The following RTEL1 variants were observed in gnomAD, a reference collection of about 807,000 sequenced individuals.
RTEL1 encodes regulator of telomere elongation helicase 1.
RTEL1 carries 86 observed loss-of-function variants against 162.2 expected under a neutral mutation model. The ratio of observed to expected loss-of-function variants is 0.53; its 90% CI spans 0.45 to 0.63. The LOEUF (loss-of-function observed/expected upper bound fraction) is 0.63. Ranked by LOEUF, RTEL1 falls within the 30% of genes least tolerant of loss-of-function variation. The pLI is 0.00. For synonymous variants in RTEL1, 958 were observed against 717.9 expected, an observed-to-expected ratio of 1.33 and a Z score of -5.35; for missense variants, 1,941 against 1,750.2, an observed-to-expected ratio of 1.11 and a Z score of -1.95.
In RTEL1 at chr20:63,661,468, C is replaced by CGCTGCT. The variant is rs769909059; in HGVS notation, c.284_289dup (p.Ala95_Ala96dup). 6 of 1,611,920 alleles carry CGCTGCT rather than the reference C, an allele frequency of 3.7e-6. 1 individual carries two copies. Among genetic ancestry groups the CGCTGCT allele is most frequent in the Non-Finnish European group, 4.2e-6 (5 of 1,179,504 alleles). On this transcript the variant is annotated inframe_insertion, in exon 3 of 35. Coordinates refer to ENST00000360203, the MANE Select transcript of RTEL1 (RefSeq NM_001283009.2). This position sits in a 1 kb window ranked among gnomAD's most constrained non-coding sequence, Gnocchi z 5.1. Reference sequence around the variant, plus strand: ...ATCGGGCCTTGTCATCCTGGGGCAACGCTGCTGCTGCTGCTGGAGACCCCA... The same window carrying CGCTGCT: ...ATCGGGCCTTGTCATCCTGGGGCAACGCTGCTGCTGCTGCTGCTGCTGGAGACCCCA...
intron 6 of RTEL1, among the ~76,000 whole-genome samples, chr20:63,663,902 G>T (rs1757322655): frequency 6.6e-6 from 1 of 152,208 alleles, no homozygotes; most frequent in Non-Finnish European, 1.5e-5. Flanking sequence ...GGTCCCGCAT[G>T]ACCCACTACC....
rs1362593763 is a variant in RTEL1, at chr20:63,694,868, C to T, written c.3237C>T (p.Leu1079=). The change falls in exon 32 of 35, where the codon CTC becomes CTT. Residue 1079 remains leucine, a synonymous_variant. Coordinates refer to ENST00000360203, the MANE Select transcript of RTEL1 (RefSeq NM_001283009.2). ...TGGGGTCCGCGGGCTGTAGCCAACT[C>T]TTGGCAGCGCTGACAGCCTATAAGC... ...RALGSAGCSQ[L]LAALTAYKQD... 3.1e-6 allele frequency: 5 copies of T among 1,612,534 alleles called. No individual in the cohort carries two copies. The African/African-American group carries it at 4.0e-5, about 13-fold the overall frequency.
chr20:63,687,433 G>C (rs1216496254), intron 16 of RTEL1: 3 of 579,700 alleles, frequency 5.2e-6, no homozygotes, highest in Non-Finnish European at 9.0e-6. Context: ...AGGACCCCCT[G>C]TCCCCCAGAG....
chr20:63,664,678 G>A (rs1013312130), intron 6 of RTEL1, among the ~76,000 whole-genome samples: 1 of 152,222 alleles, frequency 6.6e-6, no homozygotes. Flanking sequence ...GTCTGCCACC[G>A]GACAGGCTGT....
At chr20:63,691,056 TGCCTGGCAGGCAG>T in intron 27 of RTEL1, 109 bp downstream of exon 27, 1 of 1,192,148 alleles carries the variant, frequency 8.4e-7, no homozygotes. Flanking sequence ...GTAAATCCCC[TGCCTGGCAGGCAG>T]GCGGGCAAGC....
chr20:63,678,224 C>A (rs764160623), intron 11 of RTEL1, 41 bp downstream of exon 11: 3 of 1,612,988 alleles, frequency 1.9e-6, no homozygotes, highest in Non-Finnish European at 2.5e-6. Context: ...CTGGGTGGGG[C>A]CTCCTCCTTG....
rs201572070 is a variant in RTEL1, at chr20:63,661,955, G to A, written c.395+12G>A. On this transcript the variant is annotated intron_variant, in intron 4 of 34. Transcript: ENST00000360203. This position sits in a 1 kb window ranked among gnomAD's most constrained non-coding sequence, Gnocchi z 5.1. ...AACACCTCCTACCGGTGGGTCAGAC[G>A]AGTTTACACCTGTCTCGGGGTCCTC... is the stretch of plus-strand genomic sequence containing the variant. The A allele has an allele frequency of 2.3e-3, 3,654 of 1,604,978 alleles. 18 individuals are homozygous for A. Among genetic ancestry groups the A allele is most frequent in the South Asian group, 6.0e-3 (544 of 90,924 alleles).
chr20:63,683,360 C>T (rs2090516739), intron 14 of RTEL1, among the ~76,000 whole-genome samples: 1 of 152,244 alleles, frequency 6.6e-6, no homozygotes, highest in Admixed American at 6.5e-5. Context: ...TCTGTTACTT[C>T]CATCCCCGTG....
chr20:63,690,793 G>A lies in RTEL1; in HGVS notation c.2414-12G>A, dbSNP rs2090720830. 6.3e-7 allele frequency: 1 copy of A among 1,597,620 alleles called. No individual in the cohort carries two copies. The highest frequency in any genetic ancestry group is 1.1e-5 in the South Asian group (1 of 88,926). On this transcript the variant is annotated splice_polypyrimidine_tract_variant and intron_variant, in intron 26 of 34. Transcript: ENST00000360203. ...CCCGTGGGCTTCACTGCGCACTCGG[G>A]TGCCCCTGCAGGGTCACCAGCTGCC...
rs986409321 is a variant in RTEL1 at position 63,678,061 on chromosome 20, C to T, written c.920-84C>T. On this transcript the variant is annotated intron_variant, in intron 10 of 34. Transcript: ENST00000360203. ...CTTTCCATGTTGGTGTCCTTTTTTC[C>T]ATGCCAGGAATCCTGGTTCTCAAGG... 9.2e-6 allele frequency: 14 copies of T among 1,518,024 alleles called. No homozygotes were observed. The African/African-American group carries it at 1.9e-4, about 21-fold the overall frequency. The allele number at this position is 1,518,024 out of a possible 1,614,324, so 94.0% of individuals were successfully genotyped here. A position where few individuals can be genotyped will look rare whatever the true frequency, so the allele number is the denominator to read the frequency against.
At chr20:63,691,666 T>G in intron 27 of RTEL1, 76 bp from the exon 28 acceptor site, 1 of 1,318,836 alleles carries the variant, frequency 7.6e-7, no homozygotes, top group Non-Finnish European at 1.1e-6. Context: ...CCATCTTCCC[T>G]GTGCGTCCAG....
At chr20:63,684,525 T>C (rs2090548439) in intron 14 of RTEL1, among the ~76,000 whole-genome samples, 1 of 152,166 alleles carries the variant, frequency 6.6e-6, no homozygotes, top group African/African-American at 2.4e-5. Context: ...GGCTAATTTT[T>C]TGTATTTTTA....
At chr20:63,675,404 C>T (rs56053617) in intron 10 of RTEL1, among the ~76,000 whole-genome samples, 67,530 of 152,024 alleles carry the variant, frequency 0.44, 15,526 homozygotes, top group Non-Finnish European at 0.49. Flanking sequence ...CCCGTCCTCA[C>T]CCTTCTCACC....
At chr20:63,671,891 G>C (rs1313487885) in intron 8 of RTEL1, among the ~76,000 whole-genome samples, 2 of 151,844 alleles carry the variant, frequency 1.3e-5, no homozygotes, top group Admixed American at 6.6e-5. Flanking sequence ...GTTTTGTTTT[G>C]TTTTGTTTTT....
chr20:63,687,842 G>A, intron 17 of RTEL1, 72 bp downstream of exon 17: 2 of 1,558,284 alleles, frequency 1.3e-6, no homozygotes, highest in South Asian at 2.3e-5. Context: ...AGTGGTGGGG[G>A]TCCCCATGAG....
In RTEL1 at chr20:63,676,921, G is replaced by A. The variant is rs566088392; in HGVS notation, c.920-1224G>A. Among the ~76,000 whole-genome samples the A allele has an allele frequency of 1.3e-3, 197 of 151,806 alleles. 1 individual carries two copies. The highest frequency in any genetic ancestry group is 4.5e-3 in the African/African-American group (185 of 41,312). ...TTGCACTCCAGCCTGGCGACAGAGC[G>A]AGACTCCGTCTCAAAAATCAATCAG... On this transcript the variant is annotated intron_variant, in intron 10 of 34. Coordinates refer to ENST00000360203, the MANE Select transcript of RTEL1 (RefSeq NM_001283009.2).
rs1319902796 is a variant in RTEL1, at chr20:63,658,348, T to TG, written c.-288dup. The TG allele has an allele frequency of 6.6e-6, 1 of 152,418 alleles. No homozygotes were observed. The highest frequency in any genetic ancestry group is 1.5e-5 in the Non-Finnish European group (1 of 68,070). The allele number at this position is 152,418 out of a possible 1,614,324, so 9.4% of individuals were successfully genotyped here. A position where few individuals can be genotyped will look rare whatever the true frequency, so the allele number is the denominator to read the frequency against. ...GGGCTCAGCGCCGACTGCGCGCCTC[T>TG]GCCCGCGAAAACTCTGAGCTGGCTG... On this transcript the variant is annotated 5_prime_UTR_variant, in exon 1 of 35. Coordinates refer to ENST00000360203, the MANE Select transcript of RTEL1 (RefSeq NM_001283009.2).
rs754113043 is a variant in RTEL1, at chr20:63,667,547, T to A, written c.693T>A (p.Asp231Glu). Residue 231 changes from aspartate (D) to glutamate (E), a missense_variant, in exon 8 of 35, where the codon GAT (aspartate) becomes GAA (glutamate). Asp to Glu is a conservative substitution (Grantham distance 45). Coordinates refer to ENST00000360203, the MANE Select transcript of RTEL1 (RefSeq NM_001283009.2). ...IIFMPYNYLL[D>E]AKSRRAHNID... ...TCATGCCGTACAATTACTTGTTGGATGCCAAGGTGGGGGCTCAGTCCTGTA... is the reference window on the plus strand; with the variant it reads ...TCATGCCGTACAATTACTTGTTGGAAGCCAAGGTGGGGGCTCAGTCCTGTA... The A allele has an allele frequency of 2.4e-5, 39 of 1,613,548 alleles. No individual in the cohort carries two copies. In the South Asian group the frequency reaches 4.3e-4, roughly 18 times the overall value.
At position 63,672,573 on chromosome 20, in the gene RTEL1, C is replaced by G; in HGVS notation, c.717C>G (p.Asn239Lys). 1.3e-6 allele frequency: 2 copies of G among 1,584,994 alleles called. No homozygotes were observed. Among genetic ancestry groups the G allele is most frequent in the Non-Finnish European group, 1.7e-6 (2 of 1,163,512 alleles). Residue 239 changes from asparagine (N) to lysine (K), a missense_variant, in exon 9 of 35, where the codon AAC becomes AAG. Transcript: ENST00000360203. ...TCCTGTAGAGCCGCAGAGCACACAA[C>G]ATTGACCTGAAGGGGACAGTCGTGA... is the stretch of plus-strand genomic sequence containing the variant. ...LLDAKSRRAH[N>K]IDLKGTVVIF...
Sources: gnomAD v4.1 joint callset for allele counts (sites outside exome capture counted in the v4.1 genomes callset) on GRCh38, gnomAD v4.1.1 for gene constraint, Gnocchi (gnomAD v3.1) non-coding constraint, MANE v1.5 for transcripts, NCBI Gene and HGNC (gene_info 2026-07-23, HGNC 2026-07-21) for gene names.